The following CWC22 variants were observed in gnomAD, a reference collection of about 807,000 sequenced individuals.
The protein encoded by CWC22 is pre-mRNA-splicing factor CWC22 homolog.
A neutral mutation model predicts 117.2 loss-of-function variants in CWC22; 53 were observed. That is an observed-to-expected ratio of 0.45 (90% CI 0.36 to 0.57). The LOEUF (loss-of-function observed/expected upper bound fraction) is 0.57. Among genes scored for constraint, CWC22 ranks in the 20% least tolerant of loss-of-function variants. The probability of loss-of-function intolerance (pLI) is 0.00; values close to 1 mark genes in which losing one functional copy is unlikely to be tolerated. For synonymous variants in CWC22, 360 were observed against 355.6 expected (o/e 1.01, Z -0.14); for missense variants, 980 against 1,068.8 (o/e 0.92, Z 1.16).
chr2:179,952,289 C>T (rs192859933), intron 17 of CWC22, among the ~76,000 whole-genome samples, 182 bp downstream of exon 17: 1 of 151,948 alleles, frequency 6.6e-6, no homozygotes, highest in African/African-American at 2.4e-5. Context: ...AAACTAAAAA[C>T]CACCACTAAA....
chr2:179,950,970 G>T, intron 17 of CWC22, 44 bp from the exon 18 acceptor site: 1 of 1,188,850 alleles, frequency 8.4e-7, no homozygotes, highest in Non-Finnish European at 1.2e-6. Context: ...ATTGCTTAAA[G>T]ATAAAAAGGT....
chr2:179,971,370 G>A (rs373909683), intron 8 of CWC22, among the ~76,000 whole-genome samples: 28 of 151,754 alleles, frequency 1.8e-4, no homozygotes, highest in East Asian at 7.7e-4. Flanking sequence ...CATTATGTAC[G>A]GAAAGTGTCA....
intron 19 of CWC22, among the ~76,000 whole-genome samples, chr2:179,949,378 AGCC>A (rs1686391745): frequency 6.6e-6 from 1 of 152,252 alleles, no homozygotes; most frequent in Non-Finnish European, 1.5e-5. Context: ...ATACTTGAAC[AGCC>A]ACTTGACAAC....
Position 179,951,209 on chromosome 2 carries a change from A to G in CWC22, c.1818-283T>C. ...TATAGAAAGATAAATATATACACAT[A>G]TATACACGTGTGAATATATATAGTG... On this transcript the variant is annotated intron_variant, in intron 17 of 19. Transcript: ENST00000410053. Among the ~76,000 whole-genome samples the G allele has an allele frequency of 2.0e-5, 3 of 152,176 alleles. 1 individual carries two copies. In the Middle Eastern group the frequency reaches 0.01, roughly 518 times the overall value.
intron 1 of CWC22, among the ~76,000 whole-genome samples, chr2:180,004,536 C>T (rs978243240): frequency 6.6e-6 from 1 of 152,116 alleles, no homozygotes; most frequent in Non-Finnish European, 1.5e-5. Context: ...GGGCTACAAG[C>T]GCACAGCACC....
intron 4 of CWC22, among the ~76,000 whole-genome samples, chr2:179,983,517 T>C (rs935753916): frequency 2.0e-5 from 3 of 152,194 alleles, no homozygotes; most frequent in Non-Finnish European, 4.4e-5. Flanking sequence ...ATATCACTGA[T>C]GGGCATTTAG....
At chr2:179,962,760 T>C (rs1258806952) in intron 13 of CWC22, among the ~76,000 whole-genome samples, 1 of 152,084 alleles carries the variant, frequency 6.6e-6, no homozygotes, top group East Asian at 1.9e-4. Context: ...TGATTCACAT[T>C]ACGTAGCAGG....
intron 19 of CWC22, among the ~76,000 whole-genome samples, chr2:179,949,818 C>T (rs1686401015): frequency 6.6e-6 from 1 of 152,162 alleles, no homozygotes; most frequent in African/African-American, 2.4e-5. Context: ...TAGGAAACTA[C>T]ATAGCAATAT....
intron 6 of CWC22, among the ~76,000 whole-genome samples, chr2:179,974,640 T>G (rs924008469): frequency 9.2e-5 from 14 of 152,232 alleles, no homozygotes; most frequent in Non-Finnish European, 1.8e-4. Context: ...AAGTCTACTT[T>G]TTTTCTAAGT....
chr2:179,965,763 C>A, intron 12 of CWC22, 115 bp downstream of exon 12: 5 of 863,338 alleles, frequency 5.8e-6, no homozygotes, highest in South Asian at 2.1e-5. Context: ...CTCCTAGACG[C>A]CATCAGCAGC....
intron 19 of CWC22, among the ~76,000 whole-genome samples, chr2:179,946,118 G>A (rs1686288571): frequency 6.6e-6 from 1 of 152,066 alleles, no homozygotes; most frequent in Admixed American, 6.6e-5. Context: ...CCTGACCTCA[G>A]GTGATCTGCC....
intron 5 of CWC22, among the ~76,000 whole-genome samples, chr2:179,979,050 A>G (rs749095954): frequency 5.3e-5 from 8 of 152,236 alleles, no homozygotes; most frequent in African/African-American, 9.6e-5. Flanking sequence ...CTACAGTTCT[A>G]TGGGTTTTGT....
intron 14 of CWC22, among the ~76,000 whole-genome samples, chr2:179,956,317 A>C (rs1284449566): frequency 6.6e-6 from 1 of 151,448 alleles, no homozygotes; most frequent in Non-Finnish European, 1.5e-5. Flanking sequence ...TGGCTATTTA[A>C]ATTTAAATTA....
intron 1 of CWC22, among the ~76,000 whole-genome samples, chr2:180,001,335 T>G (rs548841217): frequency 1.3e-5 from 2 of 151,916 alleles, no homozygotes; most frequent in Admixed American, 1.3e-4. Flanking sequence ...TTTTTCTTTT[T>G]TTTTTTTCTT....
chr2:179,998,829 T>C (rs111437242), intron 1 of CWC22, among the ~76,000 whole-genome samples: 42 of 152,258 alleles, frequency 2.8e-4, no homozygotes, highest in African/African-American at 9.4e-4. Context: ...CTTGACCCCA[T>C]TGCACAAGAT....
intron 3 of CWC22, among the ~76,000 whole-genome samples, chr2:179,987,012 G>T (rs911789494): frequency 6.6e-6 from 1 of 151,924 alleles, no homozygotes; most frequent in Admixed American, 6.6e-5. Context: ...ACAACTCCTA[G>T]GATTCACTTA....
rs1686266892 is a variant in CWC22 at position 179,945,446 on chromosome 2, T to C, written c.2410A>G (p.Arg804Gly). 6.2e-7 allele frequency: 1 copy of C among 1,613,054 alleles called. No individual in the cohort carries two copies. Among genetic ancestry groups the C allele is most frequent in the Non-Finnish European group, 8.5e-7 (1 of 1,179,418 alleles). The part of the protein sequence containing the change: ...RNNYSRVAND[R>G]DQEMHIDLEN... ...AAATCTATATGCATTTCTTGGTCTC[T>C]GTCATTCGCAACTCTACTGTAGTTA... Residue 804 changes from arginine (R) to glycine (G), a missense_variant, in exon 20 of 20, where the codon AGA (arginine) becomes GGA (glycine). Physicochemically the swap from Arg to Gly is moderately radical, Grantham distance 125. Around this residue, in one of 3 missense-constraint regions of CWC22, gnomAD observed 306 missense variants for 296.8 expected, o/e 1.03. Coordinates refer to ENST00000410053, the MANE Select transcript of CWC22 (RefSeq NM_020943.3).
chr2:179,950,986 C>A (rs767622606), intron 17 of CWC22, 60 bp from the exon 18 acceptor site: 6 of 1,063,332 alleles, frequency 5.6e-6, no homozygotes, highest in Non-Finnish European at 8.2e-6. Flanking sequence ...AAGGTAAAAT[C>A]CTTAGTCATT....
chr2:179,950,501 A>C lies in CWC22; in HGVS notation c.2140+11T>G. The C allele has an allele frequency of 5.8e-6, 9 of 1,556,596 alleles. No homozygotes were observed. The highest frequency in any genetic ancestry group is 7.9e-6 in the Non-Finnish European group (9 of 1,135,080). On this transcript the variant is annotated intron_variant, in intron 19 of 19. Transcript: ENST00000410053. ...AAAAGAGCAAGCCAAATTACACATA[A>C]GCTTCAATACCTGAGGCAGAGCTAT...
Sources: gnomAD v4.1 joint callset for allele counts (sites outside exome capture counted in the v4.1 genomes callset) on GRCh38, gnomAD v4.1.1 for gene constraint, gnomAD v4.1.1 regional missense constraint, MANE v1.5 for transcripts, NCBI Gene and HGNC (gene_info 2026-07-23, HGNC 2026-07-21) for gene names.